TNFRSF19: variants seen among roughly 807,000 people sequenced by gnomAD.
The protein encoded by TNFRSF19 is TNF receptor superfamily member 19.
A neutral mutation model predicts 46.4 loss-of-function variants in TNFRSF19; 27 were observed. The ratio of observed to expected loss-of-function variants is 0.58; its 90% CI spans 0.43 to 0.80. TNFRSF19 has a LOEUF of 0.80. Among genes scored for constraint, TNFRSF19 ranks in the 30% least tolerant of loss-of-function variants. The pLI, the probability that TNFRSF19 is intolerant of heterozygous loss-of-function variation, is 0.00. For missense variants in TNFRSF19, 511 were observed against 530.8 expected, an observed-to-expected ratio of 0.96 and a Z score of 0.37; for synonymous variants, 204 against 205.0, an observed-to-expected ratio of 1.00 and a Z score of 0.04.
At chr13:23,642,167 T>G (rs563135298) in intron 5 of TNFRSF19, among the ~76,000 whole-genome samples, 1 of 152,362 alleles carries the variant, frequency 6.6e-6, no homozygotes, top group African/African-American at 2.4e-5. Context: ...GGTTTGTTTT[T>G]AATCATTAAT....
At chr13:23,640,593 C>T (rs1882980549) in intron 5 of TNFRSF19, among the ~76,000 whole-genome samples, 1 of 152,222 alleles carries the variant, frequency 6.6e-6, no homozygotes, top group Non-Finnish European at 1.5e-5. Context: ...TTCTCCTGCA[C>T]ACCTTCTCCT....
Position 23,587,247 on chromosome 13 carries a change from C to T in TNFRSF19, c.-34-2903C>T, listed in dbSNP as rs572619234. On this transcript the variant is annotated intron_variant, in intron 1 of 9. Transcript: ENST00000248484. ...TATTTTAAATATTATTACTTAAACG[C>T]TTAAGCTATTTCATTAAATTTTCCT... Among the ~76,000 whole-genome samples, 241 of 152,210 alleles carry T rather than the reference C, an allele frequency of 1.6e-3. 1 individual carries two copies. Among genetic ancestry groups the T allele is most frequent in the African/African-American group, 5.6e-3 (231 of 41,528 alleles).
At chr13:23,646,600 G>C (rs575215423) in intron 5 of TNFRSF19, among the ~76,000 whole-genome samples, 5 of 152,266 alleles carry the variant, frequency 3.3e-5, no homozygotes, top group African/African-American at 9.6e-5. Flanking sequence ...CATTCATTTT[G>C]TGGTATGTAT....
At chr13:23,632,758 C>T (rs1882428653) in intron 5 of TNFRSF19, among the ~76,000 whole-genome samples, 2 of 152,180 alleles carry the variant, frequency 1.3e-5, no homozygotes, top group African/African-American at 4.8e-5. Flanking sequence ...TTAAATCTCT[C>T]CCTTGGAACT....
intron 5 of TNFRSF19, among the ~76,000 whole-genome samples, chr13:23,633,290 T>A (rs1387587593): frequency 2.0e-5 from 3 of 152,132 alleles, no homozygotes; most frequent in African/African-American, 7.2e-5. Flanking sequence ...TTTTTGTGTT[T>A]TCGGTAGAGC....
intron 5 of TNFRSF19, among the ~76,000 whole-genome samples, chr13:23,633,443 A>G (rs1878512705): frequency 1.3e-5 from 2 of 152,264 alleles, no homozygotes; most frequent in African/African-American, 4.8e-5. Context: ...AAAATGATTT[A>G]CATCAGAAAT....
rs552622099 is a variant in TNFRSF19 at position 23,630,439 on chromosome 13, C to A, written c.445+3647C>A. Among the ~76,000 whole-genome samples the A allele has an allele frequency of 2.6e-3, 391 of 152,270 alleles. 3 individuals are homozygous for A. Among genetic ancestry groups the A allele is most frequent in the African/African-American group, 9.0e-3 (373 of 41,536 alleles). On this transcript the variant is annotated intron_variant, in intron 5 of 9. Coordinates refer to ENST00000248484, the MANE Select transcript of TNFRSF19 (RefSeq NM_148957.4). ...GATCTGAGGCCTCTGGCCCTACCCC[C>A]ACCAGATGAGCTGTATGCCCCGCCT...
intron 7 of TNFRSF19, among the ~76,000 whole-genome samples, chr13:23,667,120 G>GAT (rs746299138): frequency 0.018 from 1,611 of 87,588 alleles, 17 homozygotes; most frequent in African/African-American, 0.049. Flanking sequence ...AAATCAGAGT[G>GAT]ATATATATAT....
chr13:23,652,038 T>G (rs1224195131), intron 5 of TNFRSF19, among the ~76,000 whole-genome samples: 1 of 152,152 alleles, frequency 6.6e-6, no homozygotes, highest in Non-Finnish European at 1.5e-5. Flanking sequence ...AGATCCTTTC[T>G]GCACAGGGTT....
At chr13:23,652,824 T>C (rs915166648) in intron 5 of TNFRSF19, among the ~76,000 whole-genome samples, 1 of 152,214 alleles carries the variant, frequency 6.6e-6, no homozygotes, top group Non-Finnish European at 1.5e-5. Flanking sequence ...TTTTATTTCA[T>C]AGACATTCAT....
intron 4 of TNFRSF19, among the ~76,000 whole-genome samples, chr13:23,618,953 G>A (rs569496000): frequency 6.6e-5 from 10 of 152,272 alleles, no homozygotes; most frequent in African/African-American, 2.4e-4. Flanking sequence ...TAAGGACACA[G>A]CATTTCTTCC....
chr13:23,634,188 TTGTC>T (rs1198455669), intron 5 of TNFRSF19, among the ~76,000 whole-genome samples: 1 of 152,236 alleles, frequency 6.6e-6, no homozygotes, highest in Non-Finnish European at 1.5e-5. Flanking sequence ...GTCATTGACT[TTGTC>T]TGTTATCAGT....
At chr13:23,616,238 T>A (rs1321956864) in intron 4 of TNFRSF19, among the ~76,000 whole-genome samples, 193 bp downstream of exon 4, 4 of 152,176 alleles carry the variant, frequency 2.6e-5, no homozygotes, top group Admixed American at 2.6e-4. Context: ...CAGCAGACAC[T>A]GGCTATAAAG....
At chr13:23,613,694 C>A (rs1881057947) in intron 3 of TNFRSF19, among the ~76,000 whole-genome samples, 1 of 152,176 alleles carries the variant, frequency 6.6e-6, no homozygotes, top group Non-Finnish European at 1.5e-5. Flanking sequence ...GTGGAGACCA[C>A]CCCCAGAAGG....
chr13:23,668,038 G>T lies in TNFRSF19; in HGVS notation c.795G>T (p.Ala265=). The T allele has an allele frequency of 6.2e-7, 1 of 1,610,238 alleles. No individual in the cohort carries two copies. The change falls in exon 8 of 10, where the codon GCG becomes GCT. Residue 265 remains alanine, a synonymous_variant. Transcript: ENST00000248484. ...AGGAGGCCTGCAGCCCCAACCCGGC[G>T]ACTCTTGGTTGTGGGGTGCATTCTG... ...CCEEACSPNP[A]TLGCGVHSAA...
chr13:23,669,057 G>A lies in TNFRSF19; in HGVS notation c.1205G>A (p.Ser402Asn), dbSNP rs779873270. The A allele has an allele frequency of 6.2e-7, 1 of 1,614,180 alleles. No individual in the cohort carries two copies. The highest frequency in any genetic ancestry group is 8.5e-7 in the Non-Finnish European group (1 of 1,180,038). ...ATGAGAAGCCAGCTAGATCAGGAGA[G>A]TGGTGCTGTCATCCACCCAGCCACT... The part of the protein sequence containing the change: ...LTMRSQLDQE[S>N]GAVIHPATQT... The change falls in exon 9 of 10, where the codon AGT (serine) becomes AAT (asparagine). Residue 402 changes from serine to asparagine, a missense_variant. This residue lies in a region of TNFRSF19 where 376 missense variants were observed against 372.7 expected (regional missense o/e 1.01). Transcript: ENST00000248484.
chr13:23,664,215 G>A (rs1021473012), intron 7 of TNFRSF19, among the ~76,000 whole-genome samples: 1 of 152,102 alleles, frequency 6.6e-6, no homozygotes, highest in African/African-American at 2.4e-5. Context: ...GTTCTCATTA[G>A]TTTCAAAGAA....
intron 2 of TNFRSF19, among the ~76,000 whole-genome samples, chr13:23,592,229 G>A (rs1302858903): frequency 6.6e-6 from 1 of 152,132 alleles, no homozygotes; most frequent in Non-Finnish European, 1.5e-5. Context: ...CAGAACAGCA[G>A]TGTCTGTTAC....
intron 4 of TNFRSF19, among the ~76,000 whole-genome samples, chr13:23,621,207 T>C (rs1464767750): frequency 1.3e-5 from 2 of 152,192 alleles, no homozygotes; most frequent in East Asian, 3.8e-4. Flanking sequence ...GCCTGGGTTT[T>C]CGCATCCCTT....
Sources: allele counts gnomAD v4.1 joint callset (sites outside exome capture counted in the v4.1 genomes callset), GRCh38; gene constraint gnomAD v4.1.1; regional missense constraint gnomAD v4.1.1; transcripts MANE v1.5; gene names NCBI Gene and HGNC (gene_info 2026-07-23, HGNC 2026-07-21).